The following CNTN5 variants were observed in gnomAD, a reference collection of about 807,000 sequenced individuals.
CNTN5 encodes contactin 5, also known as contactin-5.
CNTN5 carries 77 observed loss-of-function variants against 129.1 expected under a neutral mutation model. That is an observed-to-expected ratio of 0.60 (90% CI 0.50 to 0.72). The LOEUF (loss-of-function observed/expected upper bound fraction) is 0.72, where lower values mean the gene tolerates loss of function less well. CNTN5 is among the 30% of genes least tolerant of loss of function. CNTN5 has a pLI of 0.00. For synonymous variants in CNTN5, 509 were observed against 465.6 expected, an observed-to-expected ratio of 1.09 and a Z score of -1.20; for missense variants, 1,478 against 1,328.8, an observed-to-expected ratio of 1.11 and a Z score of -1.75.
intron 1 of CNTN5, among the ~76,000 whole-genome samples, chr11:99,150,049 C>T (rs116355520): frequency 0.014 from 2,073 of 152,026 alleles, 49 homozygotes; most frequent in African/African-American, 0.047. Context: ...GATAATGACT[C>T]ACAGGTTAAG....
rs1007486401 is a variant in CNTN5, at chr11:99,807,080, A to G, written c.56-12464A>G. 1.4e-4 allele frequency among the ~76,000 whole-genome samples: 22 copies of G among 152,242 alleles called. No individual in the cohort carries two copies. The East Asian group carries it at 3.9e-3, about 27-fold the overall frequency. On this transcript the variant is annotated intron_variant, in intron 3 of 24. Transcript: ENST00000524871. ...TAATTTAATGATGAAATATGTATAC[A>G]TGGAAAAATATGTGTCTAATAAAGT...
intron 3 of CNTN5, among the ~76,000 whole-genome samples, chr11:99,715,828 A>G (rs1955195504): frequency 6.6e-6 from 1 of 151,966 alleles, no homozygotes; most frequent in Non-Finnish European, 1.5e-5. Context: ...CTGCCAAAAA[A>G]ATGTCTAATA....
chr11:99,845,616 C>A (rs925584861), intron 6 of CNTN5, among the ~76,000 whole-genome samples: 8 of 151,892 alleles, frequency 5.3e-5, no homozygotes, highest in Non-Finnish European at 8.8e-5. Flanking sequence ...TCGTGATCCG[C>A]CCGCCTCGGC....
chr11:99,097,831 T>G (rs911102460), intron 1 of CNTN5, among the ~76,000 whole-genome samples: 1 of 152,016 alleles, frequency 6.6e-6, no homozygotes, highest in African/African-American at 2.4e-5. Flanking sequence ...GTCTTTCTCT[T>G]AGGATTGAAA....
intron 7 of CNTN5, among the ~76,000 whole-genome samples, chr11:99,922,791 GCA>G (rs2136041040): frequency 1.3e-5 from 2 of 152,246 alleles, no homozygotes; most frequent in South Asian, 4.1e-4. Flanking sequence ...CCAATACGTA[GCA>G]CAGTGTCTGA....
chr11:99,034,008 C>T (rs1863553694), intron 1 of CNTN5, among the ~76,000 whole-genome samples: 1 of 152,030 alleles, frequency 6.6e-6, no homozygotes, highest in South Asian at 2.1e-4. Flanking sequence ...AAGGCCTTTT[C>T]TGCATCTATT....
intron 20 of CNTN5, among the ~76,000 whole-genome samples, chr11:100,305,268 C>T (rs1033010353): frequency 3.3e-5 from 5 of 151,424 alleles, no homozygotes; most frequent in African/African-American, 7.3e-5. Context: ...AAAACAGGTC[C>T]ATTACTCCAA....
intron 18 of CNTN5, among the ~76,000 whole-genome samples, chr11:100,281,996 ATTTTTTTT>A (rs34162956): frequency 2.4e-5 from 3 of 123,164 alleles, no homozygotes; most frequent in Admixed American, 8.0e-5. Context: ...TTGGCATTCT[ATTTTTTTT>A]TTTTTTTTTT....
At chr11:100,119,666 G>A (rs1269641570) in intron 13 of CNTN5, among the ~76,000 whole-genome samples, 1 of 151,782 alleles carries the variant, frequency 6.6e-6, no homozygotes, top group Non-Finnish European at 1.5e-5. Context: ...CTTGCTGTGA[G>A]GACTGATTTG....
At chr11:99,912,258 C>G (rs1949680680) in intron 6 of CNTN5, among the ~76,000 whole-genome samples, 1 of 151,832 alleles carries the variant, frequency 6.6e-6, no homozygotes, top group African/African-American at 2.4e-5. Context: ...ATTAATAGCT[C>G]CCATTTAGAG....
At chr11:99,131,008 A>G (rs2135432892) in intron 1 of CNTN5, among the ~76,000 whole-genome samples, 1 of 152,078 alleles carries the variant, frequency 6.6e-6, no homozygotes, top group Middle Eastern at 3.4e-3. Context: ...CACCCCTGTA[A>G]TCCCAGCACT....
chr11:99,705,564 T>A (rs1276013424), intron 3 of CNTN5, among the ~76,000 whole-genome samples: 1 of 151,392 alleles, frequency 6.6e-6, no homozygotes, highest in Non-Finnish European at 1.5e-5. Flanking sequence ...TAGGCCTAAT[T>A]TTTTTACTTT....
chr11:99,029,432 A>G (rs1863258941), intron 1 of CNTN5, among the ~76,000 whole-genome samples: 2 of 152,038 alleles, frequency 1.3e-5, no homozygotes, highest in Non-Finnish European at 2.9e-5. Context: ...CTGACATTGA[A>G]AAGATGGAAA....
chr11:99,892,058 G>A (rs780104844), intron 6 of CNTN5, among the ~76,000 whole-genome samples: 5 of 152,108 alleles, frequency 3.3e-5, no homozygotes, highest in African/African-American at 4.8e-5. Flanking sequence ...TAGTGGTTTT[G>A]ATTTGCATTT....
intron 16 of CNTN5, among the ~76,000 whole-genome samples, chr11:100,237,202 A>AG (rs1297509142): frequency 1.3e-5 from 2 of 151,518 alleles, no homozygotes; most frequent in Admixed American, 6.6e-5. Context: ...AAAAAAAAAA[A>AG]AAAAAAGAAA....
chr11:99,126,281 C>T (rs1858629053), intron 1 of CNTN5, among the ~76,000 whole-genome samples: 1 of 152,112 alleles, frequency 6.6e-6, no homozygotes, highest in South Asian at 2.1e-4. Context: ...TAAAATAGAA[C>T]TTGAAATGTT....
intron 7 of CNTN5, among the ~76,000 whole-genome samples, chr11:99,942,343 A>G (rs1950458323): frequency 6.6e-6 from 1 of 151,926 alleles, no homozygotes; most frequent in Non-Finnish European, 1.5e-5. Context: ...TAGGGAGACC[A>G]TATAATATAT....
At chr11:99,219,782 G>T (rs1860309645) in intron 1 of CNTN5, among the ~76,000 whole-genome samples, 1 of 151,900 alleles carries the variant, frequency 6.6e-6, no homozygotes, top group Non-Finnish European at 1.5e-5. Flanking sequence ...AGGGTATGGG[G>T]AAAGGATAGA....
At position 99,645,608 on chromosome 11, in the gene CNTN5, C is replaced by T. The variant is rs187260584; in HGVS notation, c.55+89339C>T. ...ATGTGGTAATATACACCATGGAATA[C>T]TATGCAGCCATAAAAAAGGATGAGT... On this transcript the variant is annotated intron_variant, in intron 3 of 24. Coordinates refer to ENST00000524871, the MANE Select transcript of CNTN5 (RefSeq NM_014361.4). 5.0e-3 allele frequency among the ~76,000 whole-genome samples: 760 copies of T among 152,180 alleles called. 6 individuals are homozygous for T. The highest frequency in any genetic ancestry group is 0.017 in the African/African-American group (709 of 41,522).
Sources: gnomAD v4.1 joint callset for allele counts (sites outside exome capture counted in the v4.1 genomes callset) on GRCh38, gnomAD v4.1.1 for gene constraint, MANE v1.5 for transcripts, NCBI Gene and HGNC (gene_info 2026-07-23, HGNC 2026-07-21) for gene names.